LRRTM4: variants seen among roughly 807,000 people sequenced by gnomAD.
LRRTM4 encodes leucine-rich repeat transmembrane neuronal protein 4.
In LRRTM4, 25 loss-of-function variants were observed where a neutral mutation model predicts 47.6. The ratio of observed to expected loss-of-function variants is 0.53; its 90% CI spans 0.38 to 0.73. The LOEUF (loss-of-function observed/expected upper bound fraction) is 0.73. Among genes scored for constraint, LRRTM4 ranks in the 30% least tolerant of loss-of-function variants. LRRTM4 has a pLI of 0.00. For synonymous variants in LRRTM4, 311 were observed against 269.5 expected (o/e 1.15, Z -1.51); for missense variants, 638 against 713.4 (o/e 0.89, Z 1.20).
At chr2:77,016,377 T>G in intron 3 of LRRTM4, among the ~76,000 whole-genome samples, 1 of 125,148 alleles carries the variant, frequency 8.0e-6, no homozygotes, top group Non-Finnish European at 1.6e-5. Flanking sequence ...GAGGGAGAAC[T>G]CCATTTAAAA....
intron 3 of LRRTM4, among the ~76,000 whole-genome samples, chr2:76,908,247 T>G (rs994157079): frequency 4.6e-5 from 7 of 151,964 alleles, no homozygotes. Context: ...AAAAACCACA[T>G]GATTATCTCA....
In LRRTM4 at chr2:77,113,098, T is replaced by C. The variant is rs537762042; in HGVS notation, c.1552-364182A>G. Among the ~76,000 whole-genome samples, 33 of 152,164 alleles carry C rather than the reference T, an allele frequency of 2.2e-4. 1 individual carries two copies. The South Asian group carries it at 6.6e-3, about 31-fold the overall frequency. The stretch of plus-strand genomic sequence containing the variant: ...ATACACACCTTTGTTACTTGTTCCG[T>C]GGTAACAGCATCAAAGCCTAATTGG... On this transcript the variant is annotated intron_variant, in intron 3 of 3. Transcript: ENST00000409884.
chr2:77,473,629 C>T (rs749169105), intron 3 of LRRTM4, among the ~76,000 whole-genome samples: 2 of 152,060 alleles, frequency 1.3e-5, no homozygotes, highest in Admixed American at 6.6e-5. Flanking sequence ...TAGTTTTTGC[C>T]TCATGAGGCC....
intron 3 of LRRTM4, among the ~76,000 whole-genome samples, chr2:77,319,585 C>G (rs1573246675): frequency 6.6e-6 from 1 of 152,236 alleles, no homozygotes; most frequent in South Asian, 2.1e-4. Flanking sequence ...TCCTTATGTC[C>G]CCTTCTCCTA....
chr2:77,176,078 C>G (rs190493617), intron 3 of LRRTM4, among the ~76,000 whole-genome samples: 1 of 151,126 alleles, frequency 6.6e-6, no homozygotes, highest in African/African-American at 2.4e-5. Flanking sequence ...TAAGTTCTTT[C>G]GAACACCGGA....
chr2:77,013,506 TAA>T (rs5832271), intron 3 of LRRTM4, among the ~76,000 whole-genome samples: 62 of 146,458 alleles, frequency 4.2e-4, no homozygotes, highest in Middle Eastern at 3.5e-3. Flanking sequence ...GAAACACTGT[TAA>T]AAAAAAAAAA....
intron 3 of LRRTM4, among the ~76,000 whole-genome samples, chr2:76,984,487 G>A (rs1676726673): frequency 6.6e-6 from 1 of 151,892 alleles, no homozygotes; most frequent in Admixed American, 6.6e-5. Context: ...ATGTATGCAT[G>A]GCCATGTAAC....
chr2:77,159,282 G>T (rs540383985), intron 3 of LRRTM4, among the ~76,000 whole-genome samples: 1 of 152,224 alleles, frequency 6.6e-6, no homozygotes, highest in Non-Finnish European at 1.5e-5. Context: ...GAGATAAACA[G>T]TCAGTTGATG....
intron 3 of LRRTM4, among the ~76,000 whole-genome samples, chr2:77,030,781 G>T (rs1273580463): frequency 6.6e-6 from 1 of 152,076 alleles, no homozygotes; most frequent in African/African-American, 2.4e-5. Context: ...AAGACTATTG[G>T]CAATCTTTAA....
intron 3 of LRRTM4, among the ~76,000 whole-genome samples, chr2:76,890,475 G>A (rs1673216862): frequency 6.6e-6 from 1 of 151,932 alleles, no homozygotes; most frequent in African/African-American, 2.4e-5. Context: ...GGTCAATGTT[G>A]ATTACATTTT....
At chr2:76,762,543 T>C (rs904662138) in intron 3 of LRRTM4, among the ~76,000 whole-genome samples, 1 of 152,232 alleles carries the variant, frequency 6.6e-6, no homozygotes, top group African/African-American at 2.4e-5. Flanking sequence ...TTATGTGGCT[T>C]CTATATGGAA....
chr2:77,209,436 AAAAC>A (rs1674231252), intron 3 of LRRTM4, among the ~76,000 whole-genome samples: 1 of 152,060 alleles, frequency 6.6e-6, no homozygotes, highest in South Asian at 2.1e-4. Context: ...GAAAAAAAAA[AAAAC>A]AAAAAACCAA....
chr2:77,175,572 C>T (rs1673171867), intron 3 of LRRTM4, among the ~76,000 whole-genome samples: 1 of 152,098 alleles, frequency 6.6e-6, no homozygotes. Flanking sequence ...TAAACTATCA[C>T]AGCTGTAAAT....
chr2:77,245,567 T>C (rs867003699), intron 3 of LRRTM4, among the ~76,000 whole-genome samples: 5 of 149,508 alleles, frequency 3.3e-5, no homozygotes, highest in Admixed American at 6.7e-5. Flanking sequence ...AGAAAGTTTA[T>C]TGATGTTCAG....
At chr2:76,917,101 G>GA (rs1674278481) in intron 3 of LRRTM4, among the ~76,000 whole-genome samples, 2 of 152,172 alleles carry the variant, frequency 1.3e-5, no homozygotes, top group Non-Finnish European at 2.9e-5. Flanking sequence ...AAAGGGCCAG[G>GA]AAGTGTTTTA....
intron 3 of LRRTM4, among the ~76,000 whole-genome samples, chr2:77,224,605 A>G (rs939674842): frequency 6.6e-6 from 1 of 152,078 alleles, no homozygotes; most frequent in South Asian, 2.1e-4. Context: ...AAAAACACAT[A>G]AAAAAATGCT....
intron 3 of LRRTM4, among the ~76,000 whole-genome samples, chr2:77,480,835 GAGAGAGAGAGA>G (rs1408727241): frequency 0.01 from 526 of 51,176 alleles, 3 homozygotes; most frequent in African/African-American, 0.037. Flanking sequence ...GAGAGAGAGA[GAGAGAGAGAGA>G]GAGAGAGAGA....
intron 3 of LRRTM4, among the ~76,000 whole-genome samples, chr2:77,096,046 T>C (rs746467461): frequency 2.6e-5 from 4 of 152,102 alleles, no homozygotes; most frequent in Non-Finnish European, 4.4e-5. Context: ...AAAAATGAAA[T>C]AAGTGGCAGA....
intron 3 of LRRTM4, among the ~76,000 whole-genome samples, chr2:77,025,927 T>C (rs924702748): frequency 9.8e-5 from 15 of 152,344 alleles, no homozygotes; most frequent in South Asian, 4.1e-4. Context: ...CTCAAAAATA[T>C]TGATAAATTA....
Sources: allele counts gnomAD v4.1 joint callset (sites outside exome capture counted in the v4.1 genomes callset), GRCh38; gene constraint gnomAD v4.1.1; transcripts MANE v1.5; gene names NCBI Gene and HGNC (gene_info 2026-07-23, HGNC 2026-07-21).